The following MSRB2 variants were observed in gnomAD, a reference collection of about 807,000 sequenced individuals.
MSRB2 encodes the protein methionine sulfoxide reductase B2, also known as methionine-R-sulfoxide reductase B2, mitochondrial.
MSRB2 carries 17 observed loss-of-function variants against 19.0 expected under a neutral mutation model. That is an observed-to-expected ratio of 0.89 (90% confidence interval 0.61 to 1.34). The LOEUF (loss-of-function observed/expected upper bound fraction) is 1.34. Among genes scored for constraint, MSRB2 ranks in the 40% most tolerant of loss-of-function variants. The probability of loss-of-function intolerance (pLI) is 0.00; values close to 1 mark genes in which losing one functional copy is unlikely to be tolerated. For synonymous variants in MSRB2, 107 were observed against 99.7 expected (o/e 1.07, Z -0.44); for missense variants, 208 against 237.6 (o/e 0.88, Z 0.82).
rs557073064 is a variant in MSRB2, at chr10:23,109,967, C to T, written c.220-275C>T. 7.2e-5 allele frequency among the ~76,000 whole-genome samples: 11 copies of T among 152,192 alleles called. No individual in the cohort carries two copies. In the South Asian group the frequency reaches 1.0e-3, roughly 14 times the overall value. On this transcript the variant is annotated intron_variant, in intron 2 of 4. Transcript: ENST00000376510. ...AGACTCTGTTTTCTTGCTTTTTCAC[C>T]GACTTTGATGCTCTTGGATGAAAAG...
chr10:23,109,368 G>A lies in MSRB2; in HGVS notation c.220-874G>A, dbSNP rs116917903. Among the ~76,000 whole-genome samples, 476 of 152,042 alleles carry A rather than the reference G, an allele frequency of 3.1e-3. 12 individuals are homozygous for A. The East Asian group carries it at 0.058, about 18-fold the overall frequency. ...AGTTCGAGACCAGCCTGGCTAACAC[G>A]GTGAAACCCCGTAAAAGTACAAAAA... On this transcript the variant is annotated intron_variant, in intron 2 of 4. Coordinates refer to ENST00000376510, the MANE Select transcript of MSRB2 (RefSeq NM_012228.4).
Position 23,104,176 on chromosome 10 carries a change from A to T in MSRB2, c.151A>T (p.Lys51Ter). 6.2e-7 allele frequency: 1 copy of T among 1,614,054 alleles called. No individual in the cohort carries two copies. Among genetic ancestry groups the T allele is most frequent in the Non-Finnish European group, 8.5e-7 (1 of 1,179,950 alleles). Residue 51 changes from lysine to a stop codon, truncating the protein, a stop_gained, in exon 2 of 5, where the codon AAG becomes TAG. Coordinates refer to ENST00000376510, the MANE Select transcript of MSRB2 (RefSeq NM_012228.4). LOFTEE classifies it high-confidence loss of function. ...SLATCELPLA[K>*]SEWQKKLTPE... The stretch of plus-strand genomic sequence containing the variant: ...TGCAACGTGTGAGCTGCCTCTTGCC[A>T]AGAGTGAGTGGCAAAAGAAACTAAC...
intron 3 of MSRB2, among the ~76,000 whole-genome samples, chr10:23,118,548 C>G (rs921356021): frequency 6.6e-6 from 1 of 151,926 alleles, no homozygotes; most frequent in Non-Finnish European, 1.5e-5. Flanking sequence ...TCATGAGTCC[C>G]TGGGAGACTT....
intron 2 of MSRB2, among the ~76,000 whole-genome samples, chr10:23,108,569 A>G (rs191935298): frequency 6.8e-6 from 1 of 146,512 alleles, no homozygotes; most frequent in East Asian, 2.1e-4. Context: ...TCTGCCTCCC[A>G]GGTTCAAGCA....
At chr10:23,111,064 G>A (rs879307694) in intron 3 of MSRB2, among the ~76,000 whole-genome samples, 6 of 152,120 alleles carry the variant, frequency 3.9e-5, no homozygotes, top group African/African-American at 9.7e-5. Context: ...TCTGTGCATT[G>A]CCCATTAGGC....
chr10:23,112,767 A>G (rs1840070123), intron 3 of MSRB2, among the ~76,000 whole-genome samples: 1 of 152,052 alleles, frequency 6.6e-6, no homozygotes, highest in Non-Finnish European at 1.5e-5. Flanking sequence ...TATTATTAGT[A>G]GAGACGGGGT....
Position 23,111,656 on chromosome 10 carries a change from G to A in MSRB2, c.296+1338G>A, listed in dbSNP as rs868340714. ...CCAGGAGGGTCCTGAGTCCAGAGCA[G>A]AAAGCTCTGTCCAGTAGAACTTCCT... On this transcript the variant is annotated intron_variant, in intron 3 of 4. Transcript: ENST00000376510. Among the ~76,000 whole-genome samples, 32 of 152,314 alleles carry A rather than the reference G, an allele frequency of 2.1e-4. 1 individual carries two copies. Among genetic ancestry groups the A allele is most frequent in the African/African-American group, 5.5e-4 (23 of 41,570 alleles).
chr10:23,100,128 A>G (rs1839911851), intron 1 of MSRB2, among the ~76,000 whole-genome samples: 1 of 152,238 alleles, frequency 6.6e-6, no homozygotes, highest in South Asian at 2.1e-4. Context: ...ATCTACAGGA[A>G]TAATGCAAGA....
chr10:23,106,891 A>G (rs1049901969), intron 2 of MSRB2, among the ~76,000 whole-genome samples: 2 of 152,182 alleles, frequency 1.3e-5, no homozygotes, highest in African/African-American at 2.4e-5. Flanking sequence ...TGAGTGTGTC[A>G]TCTGTTTCCA....
At chr10:23,106,604 T>C (rs114204859) in intron 2 of MSRB2, among the ~76,000 whole-genome samples, 2,525 of 152,210 alleles carry the variant, frequency 0.017, 59 homozygotes, top group African/African-American at 0.057. Context: ...GATGGAGAAA[T>C]CGCTAGAGCC....
chr10:23,112,680 C>T (rs1218243257), intron 3 of MSRB2, among the ~76,000 whole-genome samples: 1 of 152,208 alleles, frequency 6.6e-6, no homozygotes, highest in Non-Finnish European at 1.5e-5. Context: ...CCTCTGCCTT[C>T]CAGGTTGAAG....
At chr10:23,101,951 T>C (rs1839930231) in intron 1 of MSRB2, among the ~76,000 whole-genome samples, 1 of 152,222 alleles carries the variant, frequency 6.6e-6, no homozygotes, top group Non-Finnish European at 1.5e-5. Context: ...TTGTCAAAAC[T>C]GTCTCTGTCT....
chr10:23,096,855 G>T (rs1338303167), intron 1 of MSRB2, among the ~76,000 whole-genome samples: 1 of 152,142 alleles, frequency 6.6e-6, no homozygotes, highest in Non-Finnish European at 1.5e-5. Context: ...AGTTACCGAC[G>T]AGCTCTCTAT....
chr10:23,108,763 A>G (rs1840011836), intron 2 of MSRB2, among the ~76,000 whole-genome samples: 2 of 152,122 alleles, frequency 1.3e-5, no homozygotes, highest in Admixed American at 6.5e-5. Flanking sequence ...GGCATGAGCC[A>G]CCACACCTGG....
intron 3 of MSRB2, 76 bp from the exon 4 acceptor site, chr10:23,119,228 C>G (rs557290105): frequency 1.6e-5 from 25 of 1,558,002 alleles, no homozygotes; most frequent in African/African-American, 6.8e-5. Context: ...CTGCCTGGAA[C>G]AACACATCGG....
At chr10:23,106,732 C>T (rs1220823050) in intron 2 of MSRB2, among the ~76,000 whole-genome samples, 1 of 152,238 alleles carries the variant, frequency 6.6e-6, no homozygotes, top group Non-Finnish European at 1.5e-5. Flanking sequence ...TGGCCACTCC[C>T]TCTTCCTTTG....
At chr10:23,105,791 G>T (rs960016320) in intron 2 of MSRB2, among the ~76,000 whole-genome samples, 1 of 152,128 alleles carries the variant, frequency 6.6e-6, no homozygotes, top group African/African-American at 2.4e-5. Flanking sequence ...TGTAATCATG[G>T]TCTCACCCTC....
At chr10:23,104,276 G>A (rs765148987) in intron 2 of MSRB2, 32 bp downstream of exon 2, 5 of 1,593,314 alleles carry the variant, frequency 3.1e-6, no homozygotes, top group South Asian at 1.1e-5. Context: ...TTTTCTGATT[G>A]CATGTGTTGG....
chr10:23,118,330 G>GTTTTTTTTTTTTT (rs199691499), intron 3 of MSRB2, among the ~76,000 whole-genome samples: 2 of 86,644 alleles, frequency 2.3e-5, no homozygotes, highest in African/African-American at 4.8e-5. Context: ...TCTTAGATTA[G>GTTTTTTTTTTTTT]TTTTTTGTTT....
Sources: gnomAD v4.1 joint callset for allele counts (sites outside exome capture counted in the v4.1 genomes callset) on GRCh38, gnomAD v4.1.1 for gene constraint, MANE v1.5 for transcripts, NCBI Gene and HGNC (gene_info 2026-07-23, HGNC 2026-07-21) for gene names.